The following SPATA31C2 variants were observed in gnomAD, a reference collection of about 807,000 sequenced individuals.
The protein encoded by SPATA31C2 is spermatogenesis-associated protein 31C2.
A neutral mutation model predicts 11.4 loss-of-function variants in SPATA31C2; 5 were observed. That is an observed-to-expected ratio of 0.44 (90% CI 0.23 to 0.92). The LOEUF (loss-of-function observed/expected upper bound fraction) is 0.92. SPATA31C2 is among the 40% of genes least tolerant of loss of function. The pLI is 0.24. For synonymous variants in SPATA31C2, 515 were observed against 538.7 expected, an observed-to-expected ratio of 0.96 and a Z score of 0.61; for missense variants, 1,353 against 1,368.6, an observed-to-expected ratio of 0.99 and a Z score of 0.18.
In SPATA31C2 at chr9:88,132,546, C is replaced by T. The variant is rs761946476; in HGVS notation, c.491G>A (p.Arg164Gln). Reference sequence around the variant, plus strand: ...GGCCAGATCCTGAGGATGCTTGGTTCGAGGATCCGGGGAAGCTAACGGGGA... The same window carrying T: ...GGCCAGATCCTGAGGATGCTTGGTTTGAGGATCCGGGGAAGCTAACGGGGA... ...IVSPLASPDP[R>Q]TKHPQDLAST... is the part of the protein sequence containing the mutation. Residue 164 changes from arginine (R) to glutamine (Q), a missense_variant, in exon 4 of 4, where the codon CGA (arginine) becomes CAA (glutamine). By Grantham distance (43) the Arg-to-Gln change is conservative. This residue lies in a region of SPATA31C2 where 1,075 missense variants were observed against 992.8 expected (regional missense o/e 1.08). Coordinates refer to ENST00000324915, the MANE Select transcript of SPATA31C2 (RefSeq NM_001350978.3). 1.2e-5 allele frequency: 20 copies of T among 1,610,354 alleles called. No homozygotes were observed. The highest frequency in any genetic ancestry group is 4.4e-5 in the South Asian group (4 of 90,998).
chr9:88,136,225 GCC>G (rs1441368040), intron 1 of SPATA31C2, among the ~76,000 whole-genome samples: 9 of 145,192 alleles, frequency 6.2e-5, no homozygotes, highest in South Asian at 2.2e-4. Context: ...GAGCCACCGT[GCC>G]GGGCCTGCTG....
rs1380482289 is a variant in SPATA31C2, at chr9:88,131,645, T to C, written c.1392A>G (p.Gln464=). The part of the protein sequence containing the change: ...EQHMGQRGRI[Q]ESLDLMQLQD... ...GAAGCTGCATCAGATCCAGAGACTC[T>C]TGGATCCTTCCACGTTGCCCCATGT... is the stretch of plus-strand genomic sequence containing the variant. The change falls in exon 4 of 4, where the codon CAA becomes CAG. Residue 464 remains glutamine, a synonymous_variant. Transcript: ENST00000324915. The C allele has an allele frequency of 6.2e-7, 1 of 1,611,878 alleles. No homozygotes were observed. The highest frequency in any genetic ancestry group is 1.7e-5 in the Admixed American group (1 of 59,992).
rs369777906 is a variant in SPATA31C2 at position 88,132,622 on chromosome 9, C to T, written c.415G>A (p.Gly139Arg). Residue 139 changes from glycine (G) to arginine (R), a missense_variant, in exon 4 of 4, where the codon GGA becomes AGA. Physicochemically the swap from Gly to Arg is moderately radical, Grantham distance 125. This residue lies in a region of SPATA31C2 where 1,075 missense variants were observed against 992.8 expected (regional missense o/e 1.08). Coordinates refer to ENST00000324915, the MANE Select transcript of SPATA31C2 (RefSeq NM_001350978.3). ...GGCTCATGAGAGGACCGGGAGGCTCCATCAGGTGTTCTTTTGCCCACCTCA... is the reference window on the plus strand; with the variant it reads ...GGCTCATGAGAGGACCGGGAGGCTCTATCAGGTGTTCTTTTGCCCACCTCA... ...PGEVGKRTPD[G>R]ASRSSHEPTE... 3.3e-4 allele frequency: 531 copies of T among 1,609,640 alleles called. No individual in the cohort carries two copies. The highest frequency in any genetic ancestry group is 5.4e-4 in the Admixed American group (32 of 59,714).
intron 1 of SPATA31C2, among the ~76,000 whole-genome samples, chr9:88,138,011 G>A: frequency 1.0e-5 from 1 of 99,774 alleles, no homozygotes; most frequent in Non-Finnish European, 1.7e-5. Flanking sequence ...GAGCCCACGG[G>A]TTTGATTTTG....
rs754574117 is a variant in SPATA31C2, at chr9:88,130,981, C to T, written c.2056G>A (p.Ala686Thr). ...KVSSLSLIQLAGPSSDTCESG... is the reference protein window; with the variant it reads ...KVSSLSLIQLTGPSSDTCESG... ...TCGCAGGTGTCTGAGGAGGGACCAG[C>T]AAGCTGTATAAGGGACAAGGATGAA... Residue 686 changes from alanine (A) to threonine (T), a missense_variant, in exon 4 of 4, where the codon GCT (alanine) becomes ACT (threonine). By Grantham distance (58) the Ala-to-Thr change is moderately conservative. This residue lies in a region of SPATA31C2 where 1,075 missense variants were observed against 992.8 expected (regional missense o/e 1.08). Transcript: ENST00000324915. The T allele has an allele frequency of 2.2e-5, 36 of 1,612,516 alleles. No individual in the cohort carries two copies. The African/African-American group carries it at 2.9e-4, about 13-fold the overall frequency.
rs1449476966 is a variant in SPATA31C2, at chr9:88,131,771, G to C, written c.1266C>G (p.Val422=). The C allele has an allele frequency of 6.2e-7, 1 of 1,611,812 alleles. No homozygotes were observed. Among genetic ancestry groups the C allele is most frequent in the South Asian group, 1.1e-5 (1 of 90,972 alleles). The change falls in exon 4 of 4, where the codon GTC becomes GTG. Residue 422 remains valine (V), a synonymous_variant. Coordinates refer to ENST00000324915, the MANE Select transcript of SPATA31C2 (RefSeq NM_001350978.3). ...GAAGGTTAGGAGTGGAGACACTAAA[G>C]ACGTCCTGAGATTTTTGGACCCTAG... ...LPSRVQKSQD[V]FSVSTPNLPQ...
At chr9:88,133,755 G>T in intron 1 of SPATA31C2, 86 bp from the exon 2 acceptor site, 3 of 1,446,676 alleles carry the variant, frequency 2.1e-6, no homozygotes, top group Non-Finnish European at 2.8e-6. Flanking sequence ...CTCATGAACC[G>T]CATGGCTCTG....
Position 88,132,266 on chromosome 9 carries a change from A to G in SPATA31C2, c.771T>C (p.Pro257=). The G allele has an allele frequency of 6.2e-7, 1 of 1,610,764 alleles. No individual in the cohort carries two copies. The highest frequency in any genetic ancestry group is 2.2e-5 in the East Asian group (1 of 44,680). ...DSVALPLDTV[P]QSLSPREDLA... ...AATCCTCACGTGGAGACAAGCTTTG[A>G]GGGACGGTGTCCAGTGGAAGTGCCA... The change falls in exon 4 of 4, where the codon CCT becomes CCC. Residue 257 remains proline (P), a synonymous_variant. Transcript: ENST00000324915.
At position 88,130,961 on chromosome 9, in the gene SPATA31C2, G is replaced by A; in HGVS notation, c.2076C>T (p.Thr692=). The A allele has an allele frequency of 6.2e-7, 1 of 1,613,030 alleles. No individual in the cohort carries two copies. Among genetic ancestry groups the A allele is most frequent in the Non-Finnish European group, 8.5e-7 (1 of 1,179,874 alleles). The change falls in exon 4 of 4, where the codon ACC becomes ACT. Residue 692 remains threonine (T), a synonymous_variant. Coordinates refer to ENST00000324915, the MANE Select transcript of SPATA31C2 (RefSeq NM_001350978.3). ...LIQLAGPSSD[T]CESGAGSKVE... ...CTTTTGAGCCAGCCCCAGATTCGCA[G>A]GTGTCTGAGGAGGGACCAGCAAGCT...
In SPATA31C2 at chr9:88,134,497, C is replaced by T. The variant is rs1267707572; in HGVS notation, c.190-828G>A. 4.7e-5 allele frequency among the ~76,000 whole-genome samples: 7 copies of T among 149,996 alleles called. No homozygotes were observed. In the South Asian group the frequency reaches 8.6e-4, roughly 18 times the overall value. On this transcript the variant is annotated intron_variant, in intron 1 of 3. Coordinates refer to ENST00000324915, the MANE Select transcript of SPATA31C2 (RefSeq NM_001350978.3). Reference sequence around the variant, plus strand: ...CCAGAGACCTCCCCCGTCTCATGACCGGTCCTGGCCGCTGAGCCCACGGGT... The same window carrying T: ...CCAGAGACCTCCCCCGTCTCATGACTGGTCCTGGCCGCTGAGCCCACGGGT...
chr9:88,134,712 TAATA>T, intron 1 of SPATA31C2: 1 of 1,341,900 alleles, frequency 7.5e-7, no homozygotes, highest in Non-Finnish European at 1.0e-6. Context: ...GTGGAACTAA[TAATA>T]AAAAGAAAGA....
In SPATA31C2 at chr9:88,132,463, G is replaced by A. The variant is rs1268011708; in HGVS notation, c.574C>T (p.Pro192Ser). The A allele has an allele frequency of 6.2e-7, 1 of 1,611,206 alleles. No individual in the cohort carries two copies. Among genetic ancestry groups the A allele is most frequent in the Non-Finnish European group, 8.5e-7 (1 of 1,178,148 alleles). Residue 192 changes from proline (P) to serine (S), a missense_variant, in exon 4 of 4, where the codon CCA becomes TCA. By Grantham distance (74) the Pro-to-Ser change is moderately conservative. Coordinates refer to ENST00000324915, the MANE Select transcript of SPATA31C2 (RefSeq NM_001350978.3). ...TSVSSLSASQ[P>S]PEPSLLLEHP... ...TCTAGGAGAAGGGAAGGTTCTGGTG[G>A]CTGGGAGGCACTTAGGGAGGAGACT...
intron 3 of SPATA31C2, 71 bp from the exon 4 acceptor site, chr9:88,132,781 C>T (rs1825624216): frequency 2.0e-6 from 3 of 1,521,782 alleles, no homozygotes; most frequent in African/African-American, 3.3e-5. Flanking sequence ...GGCGCTTGGG[C>T]CACAGCCCCT....
intron 1 of SPATA31C2, 115 bp from the exon 2 acceptor site, chr9:88,133,784 C>T (rs1825641258): frequency 6.8e-7 from 1 of 1,466,294 alleles, no homozygotes; most frequent in Non-Finnish European, 9.4e-7. Context: ...GCTCAGGGAG[C>T]TCTGTGTGCT....
chr9:88,131,190 G>A lies in SPATA31C2; in HGVS notation c.1847C>T (p.Thr616Ile), dbSNP rs1825585800. The change falls in exon 4 of 4, where the codon ACC (threonine) becomes ATC (isoleucine). Residue 616 changes from threonine to isoleucine, a missense_variant. Thr to Ile is a moderately conservative substitution (Grantham distance 89, BLOSUM62 -1). Coordinates refer to ENST00000324915, the MANE Select transcript of SPATA31C2 (RefSeq NM_001350978.3). ...GCTTTTCGGGGCTGCTAGATTGCTG[G>A]TTTTCACGTGGGTGTTGGAGACGGG... is the stretch of plus-strand genomic sequence containing the variant. ...AFPVSNTHVK[T>I]SNLAAPKSRK... 3 of 1,611,666 alleles carry A rather than the reference G, an allele frequency of 1.9e-6. No individual in the cohort carries two copies. Among genetic ancestry groups the A allele is most frequent in the Non-Finnish European group, 2.5e-6 (3 of 1,179,880 alleles).
At position 88,130,805 on chromosome 9, in the gene SPATA31C2, G is replaced by A; in HGVS notation, c.2232C>T (p.Ala744=). ...SSPACKQFQR[A]PRGIPSSNDH... Reference sequence around the variant, plus strand: ...CATTCGAAGATGGGATCCCTCGCGGGGCCCTCTGGAACTGCTTACATGCAG... The same window carrying A: ...CATTCGAAGATGGGATCCCTCGCGGAGCCCTCTGGAACTGCTTACATGCAG... Residue 744 remains alanine, a synonymous_variant, in exon 4 of 4, where the codon GCC becomes GCT. Transcript: ENST00000324915. 6.2e-7 allele frequency: 1 copy of A among 1,612,922 alleles called. No homozygotes were observed. The highest frequency in any genetic ancestry group is 8.5e-7 in the Non-Finnish European group (1 of 1,179,874).
intron 1 of SPATA31C2, among the ~76,000 whole-genome samples, chr9:88,134,455 C>G (rs556286964): frequency 7.0e-6 from 1 of 141,872 alleles, no homozygotes; most frequent in Non-Finnish European, 1.5e-5. Context: ...CGGACAGAGA[C>G]CTCCCCCGTC....
At position 88,132,558 on chromosome 9, in the gene SPATA31C2, GA is replaced by G. The variant is rs1825619020; in HGVS notation, c.478del (p.Ser160ProfsTer21). 1 of 1,610,518 alleles carries G rather than the reference GA, an allele frequency of 6.2e-7. No homozygotes were observed. Among genetic ancestry groups the G allele is most frequent in the Non-Finnish European group, 8.5e-7 (1 of 1,177,824 alleles). ...AGGATGCTTGGTTCGAGGATCCGGGGAAGCTAACGGGGAGACAATGGGAGCA... is the reference window on the plus strand; with the variant it reads ...AGGATGCTTGGTTCGAGGATCCGGGGAGCTAACGGGGAGACAATGGGAGCA... ...DAAPIVSPLA[S>X]PDPRTKHPQD... On this transcript the variant is annotated frameshift_variant, in exon 4 of 4. Coordinates refer to ENST00000324915, the MANE Select transcript of SPATA31C2 (RefSeq NM_001350978.3). LOFTEE classifies it low-confidence loss of function (END_TRUNC).
At position 88,130,865 on chromosome 9, in the gene SPATA31C2, A is replaced by G. The variant is rs1182440532; in HGVS notation, c.2172T>C (p.Ser724=). 1.2e-6 allele frequency: 2 copies of G among 1,613,744 alleles called. No individual in the cohort carries two copies. Among genetic ancestry groups the G allele is most frequent in the Non-Finnish European group, 1.7e-6 (2 of 1,179,878 alleles). The change falls in exon 4 of 4, where the codon TCT becomes TCC. Residue 724 remains serine, a synonymous_variant. Coordinates refer to ENST00000324915, the MANE Select transcript of SPATA31C2 (RefSeq NM_001350978.3). ...SLRKQVLTKP[S]VHMPERLQAS... is the part of the protein sequence containing the mutation. ...CCTGAAGCCTCTCTGGCATGTGAAC[A>G]GATGGTTTGGTCAGCACCTGCTTTC... is the stretch of plus-strand genomic sequence containing the variant.
Sources: allele counts gnomAD v4.1 joint callset (sites outside exome capture counted in the v4.1 genomes callset), GRCh38; gene constraint gnomAD v4.1.1; regional missense constraint gnomAD v4.1.1; transcripts MANE v1.5; gene names NCBI Gene and HGNC (gene_info 2026-07-23, HGNC 2026-07-21).